The following ARHGAP8 variants were observed in gnomAD, a reference collection of about 807,000 sequenced individuals.
The protein encoded by ARHGAP8 is rho GTPase-activating protein 8.
ARHGAP8 carries 62 observed loss-of-function variants against 46.1 expected under a neutral mutation model. The observed-to-expected ratio is 1.34, with a 90% CI of 1.10 to 1.66. ARHGAP8 has a LOEUF of 1.66. Ranked by LOEUF, ARHGAP8 falls within the 40% of genes most tolerant of loss-of-function variation. The pLI, the probability that ARHGAP8 is intolerant of heterozygous loss-of-function variation, is 0.00. For synonymous variants in ARHGAP8, 375 were observed against 243.1 expected (o/e 1.54, Z -5.05); for missense variants, 923 against 568.4 (o/e 1.62, Z -6.34).
chr22:44,757,383 T>C (rs529938868), intron 1 of ARHGAP8, among the ~76,000 whole-genome samples: 16 of 152,236 alleles, frequency 1.1e-4, no homozygotes, highest in African/African-American at 3.6e-4. Context: ...GTTCAAGCTA[T>C]TCTCCTGCCT....
intron 10 of ARHGAP8, among the ~76,000 whole-genome samples, chr22:44,852,015 A>G (rs1313517803): frequency 1.3e-5 from 2 of 151,306 alleles, no homozygotes; most frequent in African/African-American, 4.9e-5. Context: ...ACATGGTGAA[A>G]CCCCGTCTCC....
rs557242169 is a variant in ARHGAP8, at chr22:44,856,254, CTTTTTTTTTTTTTTTTTT to C, written c.878-3459_878-3442del. Among the ~76,000 whole-genome samples, 533 of 86,896 alleles carry C rather than the reference CTTTTTTTTTTTTTTTTTT, an allele frequency of 6.1e-3. 2 individuals carry two copies. Among genetic ancestry groups the C allele is most frequent in the African/African-American group, 0.022 (462 of 20,624 alleles). The allele number at this position is 86,896 out of a possible 152,430, so 57.0% of individuals were successfully genotyped here. On this transcript the variant is annotated intron_variant, in intron 10 of 11. Transcript: ENST00000356099. ...TACTGTCTGGCCAGCTATAAATTCC[CTTTTTTTTTTTTTTTTTT>C]TTTTTTTTTTTTTTTTTGAGACAAA...
Position 44,799,558 on chromosome 22 carries a change from G to A in ARHGAP8, c.80-2519G>A, listed in dbSNP as rs530476748. The stretch of plus-strand genomic sequence containing the variant: ...CCTCGGGGGCAGAGGTAGGGGCCTC[G>A]TGGACCAGCAGTGGAGGGATCTCCG... On this transcript the variant is annotated intron_variant, in intron 2 of 11. Transcript: ENST00000356099. Among the ~76,000 whole-genome samples, 31 of 152,236 alleles carry A rather than the reference G, an allele frequency of 2.0e-4. No homozygotes were observed. In the South Asian group the frequency reaches 5.8e-3, roughly 29 times the overall value.
At chr22:44,783,581 C>G (rs901781562) in intron 1 of ARHGAP8, among the ~76,000 whole-genome samples, 7 of 152,210 alleles carry the variant, frequency 4.6e-5, no homozygotes, top group Admixed American at 2.6e-4. Flanking sequence ...AGGTCTCTCT[C>G]CTTTCCCTGT....
At chr22:44,770,821 A>G (rs4823252) in intron 1 of ARHGAP8, among the ~76,000 whole-genome samples, 26,611 of 151,988 alleles carry the variant, frequency 0.18, 2,486 homozygotes, top group Middle Eastern at 0.22. Context: ...CAGAATTCAG[A>G]CCCCTCTCAT....
chr22:44,848,792 G>A lies in ARHGAP8; in HGVS notation c.749-140G>A, dbSNP rs961131556. 3.4e-6 allele frequency: 5 copies of A among 1,466,614 alleles called. No individual in the cohort carries two copies. In the African/African-American group the frequency reaches 5.6e-5, roughly 16 times the overall value. The allele number at this position is 1,466,614 out of a possible 1,614,324, so 90.9% of individuals were successfully genotyped here. A position where few individuals can be genotyped will look rare whatever the true frequency, so the allele number is the denominator to read the frequency against. ...GCACACCCATTTCTAGGTGGGGACA[G>A]CATCATCCCTAGGACACATGGCTCC... is the stretch of plus-strand genomic sequence containing the variant. On this transcript the variant is annotated intron_variant, in intron 9 of 11. Coordinates refer to ENST00000356099, the MANE Select transcript of ARHGAP8 (RefSeq NM_181335.3).
At chr22:44,781,963 T>G (rs1926876143) in intron 1 of ARHGAP8, among the ~76,000 whole-genome samples, 1 of 152,134 alleles carries the variant, frequency 6.6e-6, no homozygotes, top group South Asian at 2.1e-4. Flanking sequence ...GCCTCCTGAG[T>G]AGATGGGATT....
intron 6 of ARHGAP8, among the ~76,000 whole-genome samples, chr22:44,822,679 C>T (rs1048627713): frequency 6.6e-6 from 1 of 152,176 alleles, no homozygotes; most frequent in Admixed American, 6.5e-5. Flanking sequence ...GTATACAGGA[C>T]GGGATGTTTT....
intron 7 of ARHGAP8, among the ~76,000 whole-genome samples, chr22:44,832,770 T>C (rs1232399126): frequency 6.6e-6 from 1 of 152,178 alleles, no homozygotes; most frequent in Non-Finnish European, 1.5e-5. Flanking sequence ...GACTGTAACC[T>C]CCAATACATT....
At chr22:44,786,208 C>T (rs971647508) in intron 1 of ARHGAP8, 3 of 587,558 alleles carry the variant, frequency 5.1e-6, no homozygotes, top group African/African-American at 3.8e-5. Flanking sequence ...ATAGTGGGTG[C>T]TCGACTGATG....
At chr22:44,860,515 C>G (rs1442152127) in intron 11 of ARHGAP8, among the ~76,000 whole-genome samples, 1 of 145,262 alleles carries the variant, frequency 6.9e-6, no homozygotes, top group African/African-American at 2.6e-5. Flanking sequence ...TAGGACCCAC[C>G]CAGATGACGC....
At chr22:44,862,208 G>A (rs572732418) in intron 11 of ARHGAP8, 67 bp from the exon 12 acceptor site, 27 of 1,526,608 alleles carry the variant, frequency 1.8e-5, no homozygotes, top group Non-Finnish European at 2.2e-5. Flanking sequence ...CTAAGTTCGG[G>A]AGGGAGTTCC....
intron 10 of ARHGAP8, among the ~76,000 whole-genome samples, chr22:44,859,376 G>A (rs1444225560): frequency 9.9e-5 from 15 of 152,162 alleles, no homozygotes; most frequent in Non-Finnish European, 2.9e-5. Context: ...TCTTGCTCCT[G>A]TTTTTGCCAC....
intron 7 of ARHGAP8, among the ~76,000 whole-genome samples, chr22:44,842,466 CTGTT>C (rs1423570027): frequency 2.0e-5 from 3 of 152,188 alleles, no homozygotes; most frequent in African/African-American, 7.2e-5. Flanking sequence ...AACAGTGTGA[CTGTT>C]TGTAAGGTTT....
In ARHGAP8 at chr22:44,851,451, G is replaced by A. The variant is rs374052560; in HGVS notation, c.877+2391G>A. ...TTTTGAGACAGTGTCTCGCTCTGTC[G>A]CCCAGGCTGGAGTGCCGTGGCATAA... On this transcript the variant is annotated intron_variant, in intron 10 of 11. Coordinates refer to ENST00000356099, the MANE Select transcript of ARHGAP8 (RefSeq NM_181335.3). Among the ~76,000 whole-genome samples, 895 of 151,784 alleles carry A rather than the reference G, an allele frequency of 5.9e-3. 11 individuals carry two copies. The highest frequency in any genetic ancestry group is 0.02 in the African/African-American group (838 of 41,352).
intron 7 of ARHGAP8, among the ~76,000 whole-genome samples, chr22:44,827,828 T>C (rs1930646316): frequency 6.6e-6 from 1 of 151,644 alleles, no homozygotes; most frequent in Admixed American, 6.6e-5. Context: ...GGGCCTGGAG[T>C]GCAAATGTGA....
At chr22:44,792,829 G>A (rs61515705) in intron 2 of ARHGAP8, among the ~76,000 whole-genome samples, 67 of 45,560 alleles carry the variant, frequency 1.5e-3, no homozygotes, top group Non-Finnish European at 2.0e-3. Context: ...TGTTTTTTTG[G>A]TTTTTTTTTT....
rs1569144178 is a variant in ARHGAP8, at chr22:44,786,316, AGTGGGTGCACGGCTGAGGTAGGGCGCG to A, written c.-71-140_-71-114del. On this transcript the variant is annotated intron_variant, in intron 1 of 11. Coordinates refer to ENST00000356099, the MANE Select transcript of ARHGAP8 (RefSeq NM_181335.3). The stretch of plus-strand genomic sequence containing the variant: ...GGTGCTCGGCTGAGGCAGGGCGCGT[AGTGGGTGCACGGCTGAGGTAGGGCGCG>A]TAGTGGGTGTGCAGCAGAGGTGGGT... 3.8e-4 allele frequency: 383 copies of A among 995,920 alleles called. 4 individuals carry two copies. The African/African-American group carries it at 4.2e-3, about 11-fold the overall frequency. 61.7% of individuals were successfully genotyped at this position (995,920 alleles called of 1,614,324 possible).
intron 11 of ARHGAP8, among the ~76,000 whole-genome samples, chr22:44,860,252 G>A (rs1291100548): frequency 1.3e-5 from 2 of 152,122 alleles, no homozygotes; most frequent in Non-Finnish European, 2.9e-5. Context: ...TTAAGTTCCT[G>A]TGACTGCATC....
Sources: gnomAD v4.1 joint callset for allele counts (sites outside exome capture counted in the v4.1 genomes callset) on GRCh38, gnomAD v4.1.1 for gene constraint, MANE v1.5 for transcripts, NCBI Gene and HGNC (gene_info 2026-07-23, HGNC 2026-07-21) for gene names.